Variants in HELLS observed in about 807,000 individuals in gnomAD.
HELLS encodes the protein helicase, lymphoid specific.
Under a neutral mutation model 120.0 loss-of-function variants are expected in HELLS, and 32 were observed. The observed-to-expected ratio is 0.27, with a 90% confidence interval of 0.20 to 0.36. The LOEUF (loss-of-function observed/expected upper bound fraction) is 0.36. Among genes scored for constraint, HELLS ranks in the 10% least tolerant of loss-of-function variants. The probability of loss-of-function intolerance (pLI) is 1.00; values close to 1 mark genes in which losing one functional copy is unlikely to be tolerated. For synonymous variants in HELLS, 341 were observed against 323.4 expected (o/e 1.05, Z -0.58); for missense variants, 650 against 993.4 (o/e 0.65, Z 4.65).
At chr10:94,586,860 T>G (rs1845185125) in intron 12 of HELLS, among the ~76,000 whole-genome samples, 1 of 151,912 alleles carries the variant, frequency 6.6e-6, no homozygotes, top group African/African-American at 2.4e-5. Context: ...CCTGACTAAA[T>G]TTTTTTGTTT....
At position 94,592,225 on chromosome 10, in the gene HELLS, T is replaced by C; in HGVS notation, c.1768-4T>C. 1.9e-6 allele frequency: 3 copies of C among 1,602,974 alleles called. No individual in the cohort carries two copies. Among genetic ancestry groups the C allele is most frequent in the Non-Finnish European group, 2.6e-6 (3 of 1,172,584 alleles). On this transcript the variant is annotated splice_polypyrimidine_tract_variant and splice_region_variant and intron_variant, in intron 15 of 21. Coordinates refer to ENST00000348459, the MANE Select transcript of HELLS (RefSeq NM_018063.5). ...TATTTTTTCTTCCTTTGCCCCTCCT[T>C]AAGATCGATGAAGAATTGGTAACAA... is the stretch of plus-strand genomic sequence containing the variant.
At chr10:94,586,761 G>A (rs955714384) in intron 12 of HELLS, among the ~76,000 whole-genome samples, 1 of 151,860 alleles carries the variant, frequency 6.6e-6, no homozygotes, top group Non-Finnish European at 1.5e-5. Flanking sequence ...GCAAGATCTT[G>A]GCTCACTGCA....
intron 4 of HELLS, among the ~76,000 whole-genome samples, chr10:94,561,521 A>C (rs1414887265): frequency 6.6e-6 from 1 of 152,190 alleles, no homozygotes; most frequent in African/African-American, 2.4e-5. Context: ...GCTAGAGTCC[A>C]GTAGCACCAT....
intron 4 of HELLS, 110 bp downstream of exon 4, chr10:94,558,305 T>TAA (rs1843365562): frequency 7.7e-7 from 1 of 1,299,246 alleles, no homozygotes; most frequent in Non-Finnish European, 1.0e-6. Context: ...TCTTTAGTGA[T>TAA]AAACCTAACT....
At chr10:94,567,540 C>T (rs1003270073) in intron 6 of HELLS, among the ~76,000 whole-genome samples, 1 of 152,138 alleles carries the variant, frequency 6.6e-6, no homozygotes, top group African/African-American at 2.4e-5. Flanking sequence ...TCAGGTGATC[C>T]ACCCACCTTG....
chr10:94,555,589 C>G (rs1159730820), intron 3 of HELLS, among the ~76,000 whole-genome samples: 1 of 152,196 alleles, frequency 6.6e-6, no homozygotes, highest in Non-Finnish European at 1.5e-5. Flanking sequence ...CTATACATCT[C>G]TTTCTCTGGT....
rs1012924840 is a variant in HELLS at position 94,546,277 on chromosome 10, C to T, written c.32-100C>T. The T allele has an allele frequency of 9.1e-6, 13 of 1,433,480 alleles. No individual in the cohort carries two copies. In the Admixed American group the frequency reaches 1.9e-4, roughly 21 times the overall value. 88.8% of individuals were successfully genotyped at this position (1,433,480 alleles called of 1,614,324 possible). ...GCGTCCCCTCGGTCTTCAGCTTTTG[C>T]TCCAGTGCATCTCGGGTGGGAGAAA... On this transcript the variant is annotated intron_variant, in intron 1 of 21. Transcript: ENST00000348459.
intron 12 of HELLS, among the ~76,000 whole-genome samples, chr10:94,585,432 ACT>A (rs1384429121): frequency 1.6e-5 from 2 of 124,004 alleles, no homozygotes; most frequent in Non-Finnish European, 3.2e-5. Flanking sequence ...ACAGAGTCTC[ACT>A]CTGTTGCCCA....
intron 10 of HELLS, among the ~76,000 whole-genome samples, chr10:94,578,853 C>T (rs1844655838): frequency 1.3e-5 from 2 of 151,746 alleles, no homozygotes; most frequent in African/African-American, 4.8e-5. Context: ...ATGTGCAGTT[C>T]ACAATAGTGT....
intron 21 of HELLS, among the ~76,000 whole-genome samples, chr10:94,599,845 G>T (rs988814036): frequency 6.6e-6 from 1 of 152,114 alleles, no homozygotes; most frequent in African/African-American, 2.4e-5. Flanking sequence ...TTTATATAAG[G>T]ACAGAATTAT....
At chr10:94,585,369 T>C (rs1356414350) in intron 12 of HELLS, among the ~76,000 whole-genome samples, 1 of 142,476 alleles carries the variant, frequency 7.0e-6, no homozygotes, top group South Asian at 2.5e-4. Context: ...TTTGTTTTTT[T>C]TTTTTGTTTG....
At chr10:94,603,434 A>G (rs940914136), downstream of HELLS, among the ~76,000 whole-genome samples, 5 of 151,888 alleles carry the variant, frequency 3.3e-5, no homozygotes, top group African/African-American at 1.2e-4. Flanking sequence ...TTTTCTTCCT[A>G]TTTCTCTGAC....
At position 94,566,886 on chromosome 10, in the gene HELLS, C is replaced by T. The variant is rs7907335; in HGVS notation, c.435+4010C>T. 3.3e-5 allele frequency among the ~76,000 whole-genome samples: 5 copies of T among 152,074 alleles called. No homozygotes were observed. In the East Asian group the frequency reaches 9.7e-4, roughly 29 times the overall value. Reference sequence around the variant, plus strand: ...GCCAGGCTGGTCTCAAACTCCTGACCCGAAGTGATCTGCTTGCCTCTGCCT... The same window carrying T: ...GCCAGGCTGGTCTCAAACTCCTGACTCGAAGTGATCTGCTTGCCTCTGCCT... On this transcript the variant is annotated intron_variant, in intron 6 of 21. Coordinates refer to ENST00000348459, the MANE Select transcript of HELLS (RefSeq NM_018063.5).
chr10:94,572,990 C>T (rs1014108302), intron 7 of HELLS, among the ~76,000 whole-genome samples: 1 of 151,836 alleles, frequency 6.6e-6, no homozygotes, highest in Non-Finnish European at 1.5e-5. Context: ...GATGGAGTGT[C>T]ACTCTGTCGC....
intron 10 of HELLS, 132 bp from the exon 11 acceptor site, chr10:94,581,194 A>C (rs1844851199): frequency 1.8e-6 from 1 of 553,506 alleles, no homozygotes; most frequent in Non-Finnish European, 3.1e-6. Context: ...TGATCATTTC[A>C]GTAGTTACTG....
rs915469572 is a variant in HELLS, at chr10:94,580,247, C to G, written c.1033-1079C>G. Among the ~76,000 whole-genome samples, 5 of 143,670 alleles carry G rather than the reference C, an allele frequency of 3.5e-5. No homozygotes were observed. In the Admixed American group the frequency reaches 3.6e-4, roughly 10 times the overall value. The allele number at this position is 143,670 out of a possible 152,430, so 94.3% of individuals were successfully genotyped here. ...TCACCCAGGCTGGAGTGCAGTGGCACGATCTCGGCTTACTGCAACCTGTCT... is the reference window on the plus strand; with the variant it reads ...TCACCCAGGCTGGAGTGCAGTGGCAGGATCTCGGCTTACTGCAACCTGTCT... On this transcript the variant is annotated intron_variant, in intron 10 of 21. Coordinates refer to ENST00000348459, the MANE Select transcript of HELLS (RefSeq NM_018063.5).
chr10:94,558,608 T>C (rs938795365), intron 4 of HELLS, among the ~76,000 whole-genome samples: 3 of 152,128 alleles, frequency 2.0e-5, no homozygotes, highest in Admixed American at 2.0e-4. Context: ...CTCTATTTTT[T>C]TTTTCTTTTT....
intron 2 of HELLS, among the ~76,000 whole-genome samples, chr10:94,548,357 A>G (rs1842837418): frequency 6.6e-6 from 1 of 152,224 alleles, no homozygotes; most frequent in African/African-American, 2.4e-5. Context: ...GAGGGATGTG[A>G]TAATTTTGTC....
chr10:94,564,300 G>C (rs1302377166), intron 6 of HELLS, among the ~76,000 whole-genome samples: 1 of 152,186 alleles, frequency 6.6e-6, no homozygotes, highest in Admixed American at 6.5e-5. Flanking sequence ...GGGTAGGGTA[G>C]TAAAGACACT....
Sources: gnomAD v4.1 joint callset for allele counts (sites outside exome capture counted in the v4.1 genomes callset) on GRCh38, gnomAD v4.1.1 for gene constraint, MANE v1.5 for transcripts, NCBI Gene and HGNC (gene_info 2026-07-23, HGNC 2026-07-21) for gene names.